RORB: variants seen among roughly 807,000 people sequenced by gnomAD.
RORB encodes RAR related orphan receptor B, also known as nuclear receptor ROR-beta.
RORB carries 6 observed loss-of-function variants against 59.1 expected under a neutral mutation model. That is an observed-to-expected ratio of 0.10 (90% CI 0.06 to 0.20). The LOEUF (loss-of-function observed/expected upper bound fraction) is 0.20. RORB is among the 10% of genes least tolerant of loss of function. RORB has a pLI of 1.00. For missense variants in RORB, 320 were observed against 560.5 expected, an observed-to-expected ratio of 0.57 and a Z score of 4.33; for synonymous variants, 215 against 204.5, an observed-to-expected ratio of 1.05 and a Z score of -0.44.
intron 1 of RORB, among the ~76,000 whole-genome samples, chr9:74,559,969 C>A (rs956395041): frequency 5.3e-5 from 8 of 152,232 alleles, no homozygotes; most frequent in African/African-American, 1.9e-4. Context: ...AAACCATTTG[C>A]AAAATGTCAT....
intron 1 of RORB, among the ~76,000 whole-genome samples, chr9:74,538,062 A>G (rs1006954606): frequency 1.3e-5 from 2 of 152,008 alleles, no homozygotes; most frequent in African/African-American, 2.4e-5. Context: ...TACCTTTTCT[A>G]TATTTAGATA....
chr9:74,569,307 T>C (rs1358863743), intron 1 of RORB, among the ~76,000 whole-genome samples: 1 of 152,086 alleles, frequency 6.6e-6, no homozygotes, highest in African/African-American at 2.4e-5. Context: ...ATGCTTTTTT[T>C]AACTCTGCTG....
chr9:74,513,248 C>T (rs1825963907), intron 1 of RORB, among the ~76,000 whole-genome samples: 2 of 151,908 alleles, frequency 1.3e-5, no homozygotes, highest in South Asian at 4.2e-4. Flanking sequence ...TGTGAAACCC[C>T]ATTACATCCT....
chr9:74,668,084 A>G (rs1192916534), intron 8 of RORB, among the ~76,000 whole-genome samples, 183 bp downstream of exon 8: 1 of 152,182 alleles, frequency 6.6e-6, no homozygotes, highest in African/African-American at 2.4e-5. Context: ...TAAAATGACC[A>G]ATTTTGGCCC....
At position 74,666,622 on chromosome 9, in the gene RORB, G is replaced by A. The variant is rs148308807; in HGVS notation, c.1000+1027G>A. Among the ~76,000 whole-genome samples the A allele has an allele frequency of 3.8e-3, 584 of 151,774 alleles. 3 individuals are homozygous for A. The highest frequency in any genetic ancestry group is 0.013 in the African/African-American group (533 of 41,336). Reference sequence around the variant, plus strand: ...GTCATCCATGGTGGTGACCTCTTGCGTTTCTTATGTCAATTTATCATCATG... The same window carrying A: ...GTCATCCATGGTGGTGACCTCTTGCATTTCTTATGTCAATTTATCATCATG... On this transcript the variant is annotated intron_variant, in intron 7 of 9. Transcript: ENST00000376896.
chr9:74,650,439 A>G (rs990070237), intron 4 of RORB, among the ~76,000 whole-genome samples: 1 of 152,194 alleles, frequency 6.6e-6, no homozygotes, highest in Admixed American at 6.5e-5. Context: ...GGGGATTAGC[A>G]TACTTTGGTG....
chr9:74,519,205 A>T (rs1826051065), intron 1 of RORB, among the ~76,000 whole-genome samples: 1 of 152,040 alleles, frequency 6.6e-6, no homozygotes, highest in Non-Finnish European at 1.5e-5. Flanking sequence ...ATGGAGCCAG[A>T]AAGGTTGTGC....
chr9:74,518,531 G>C (rs752095437), intron 1 of RORB, among the ~76,000 whole-genome samples: 15 of 151,962 alleles, frequency 9.9e-5, no homozygotes, highest in Admixed American at 2.6e-4. Flanking sequence ...GAGGTGTGTT[G>C]TTACCCTTAA....
At chr9:74,673,260 A>T (rs946547838) in intron 9 of RORB, among the ~76,000 whole-genome samples, 5 of 152,202 alleles carry the variant, frequency 3.3e-5, no homozygotes, top group African/African-American at 1.2e-4. Context: ...GTATATGCAT[A>T]AATACATCTT....
At chr9:74,566,133 C>T (rs1227136131) in intron 1 of RORB, among the ~76,000 whole-genome samples, 1 of 152,058 alleles carries the variant, frequency 6.6e-6, no homozygotes, top group African/African-American at 2.4e-5. Flanking sequence ...CCCCTGTCAC[C>T]TCAAACGATG....
At chr9:74,592,037 C>T (rs1160743455) in intron 1 of RORB, among the ~76,000 whole-genome samples, 2 of 152,012 alleles carry the variant, frequency 1.3e-5, no homozygotes, top group Admixed American at 6.5e-5. Context: ...TTTGGTTTCG[C>T]AAAATAGGAA....
chr9:74,497,997 C>T lies in RORB; in HGVS notation c.7+14C>T, dbSNP rs898665405. The T allele has an allele frequency of 1.9e-6, 3 of 1,609,112 alleles. No homozygotes were observed. The highest frequency in any genetic ancestry group is 1.1e-5 in the South Asian group (1 of 90,666). Reference sequence around the variant, plus strand: ...ACACCATGCGAGGTAAGCGAGTCTGCGGGCACCGAGGCTCCCCGAGTCCGG... The same window carrying T: ...ACACCATGCGAGGTAAGCGAGTCTGTGGGCACCGAGGCTCCCCGAGTCCGG... On this transcript the variant is annotated intron_variant, in intron 1 of 9. Coordinates refer to ENST00000376896, the MANE Select transcript of RORB (RefSeq NM_006914.4).
intron 4 of RORB, among the ~76,000 whole-genome samples, chr9:74,651,287 C>A (rs1823986044): frequency 1.3e-5 from 2 of 152,280 alleles, no homozygotes; most frequent in Admixed American, 6.5e-5. Flanking sequence ...GTAATCCCAG[C>A]ACTTTGGGAG....
chr9:74,563,761 C>T (rs909698822), intron 1 of RORB, among the ~76,000 whole-genome samples: 2 of 152,176 alleles, frequency 1.3e-5, no homozygotes, highest in Admixed American at 6.5e-5. Context: ...CTAGGGGAGG[C>T]TATTTCCAGC....
At chr9:74,664,169 GATGGACTAGAAACA>G (rs1824232684) in intron 6 of RORB, among the ~76,000 whole-genome samples, 1 of 152,178 alleles carries the variant, frequency 6.6e-6, no homozygotes, top group Admixed American at 6.5e-5. Flanking sequence ...AAAATAAAGA[GATGGACTAGAAACA>G]ATGAATTCCA....
intron 1 of RORB, among the ~76,000 whole-genome samples, chr9:74,567,151 G>A (rs1032252427): frequency 4.0e-5 from 6 of 151,450 alleles, no homozygotes; most frequent in African/African-American, 9.7e-5. Context: ...TCAACCTCCC[G>A]ACTACCTGGA....
chr9:74,586,718 T>C (rs1822806164), intron 1 of RORB, among the ~76,000 whole-genome samples: 1 of 151,952 alleles, frequency 6.6e-6, no homozygotes, highest in African/African-American at 2.4e-5. Flanking sequence ...GAATATTTTC[T>C]CTAAATGTGG....
intron 1 of RORB, among the ~76,000 whole-genome samples, chr9:74,622,619 C>T (rs564179586): frequency 8.0e-5 from 12 of 149,804 alleles, no homozygotes; most frequent in African/African-American, 2.9e-4. Flanking sequence ...CTCCACCTCC[C>T]GAGTTCAAGC....
chr9:74,680,279 C>G (rs1371194492), intron 9 of RORB, among the ~76,000 whole-genome samples: 1 of 152,252 alleles, frequency 6.6e-6, no homozygotes, highest in Non-Finnish European at 1.5e-5. Context: ...AATTGGGAAG[C>G]CTTCCGAATT....
Sources: allele counts gnomAD v4.1 joint callset (sites outside exome capture counted in the v4.1 genomes callset), GRCh38; gene constraint gnomAD v4.1.1; transcripts MANE v1.5; gene names NCBI Gene and HGNC (gene_info 2026-07-23, HGNC 2026-07-21).